The following CHN1 variants were observed in gnomAD, a reference collection of about 807,000 sequenced individuals.
The protein encoded by CHN1 is N-chimaerin.
CHN1 carries 37 observed loss-of-function variants against 59.5 expected under a neutral mutation model. That is an observed-to-expected ratio of 0.62 (90% CI 0.48 to 0.82). The LOEUF (loss-of-function observed/expected upper bound fraction) is 0.82. Ranked by LOEUF, CHN1 falls within the 40% of genes least tolerant of loss-of-function variation. CHN1 has a pLI of 0.00. For synonymous variants in CHN1, 206 were observed against 200.4 expected (o/e 1.03, Z -0.24); for missense variants, 469 against 571.0 (o/e 0.82, Z 1.82).
At chr2:174,909,148 G>T (rs1688620807) in intron 5 of CHN1, among the ~76,000 whole-genome samples, 1 of 152,162 alleles carries the variant, frequency 6.6e-6, no homozygotes, top group South Asian at 2.1e-4. Context: ...ATTGACCAGA[G>T]CTAAAATATT....
At chr2:174,920,574 C>G (rs1414992603) in intron 3 of CHN1, among the ~76,000 whole-genome samples, 1 of 152,190 alleles carries the variant, frequency 6.6e-6, no homozygotes, top group African/African-American at 2.4e-5. Flanking sequence ...TTTCAGTGAT[C>G]TTCTCCCTTA....
intron 7 of CHN1, among the ~76,000 whole-genome samples, chr2:174,829,039 A>G (rs1574063912): frequency 6.6e-6 from 1 of 152,206 alleles, no homozygotes; most frequent in South Asian, 2.1e-4. Flanking sequence ...GTCCATCTCG[A>G]CAAATGAAAG....
intron 5 of CHN1, among the ~76,000 whole-genome samples, chr2:174,899,172 T>C (rs145981502): frequency 9.4e-4 from 132 of 140,120 alleles, no homozygotes; most frequent in African/African-American, 3.6e-3. Context: ...GTAAGAAGCC[T>C]AGTCTAAGAA....
intron 1 of CHN1, among the ~76,000 whole-genome samples, chr2:174,989,661 G>A (rs1347861250): frequency 6.6e-6 from 1 of 151,730 alleles, no homozygotes; most frequent in Non-Finnish European, 1.5e-5. Flanking sequence ...ATGGTGGCTC[G>A]CACCTGTGGT....
rs13409614 is a variant in CHN1, at chr2:174,823,521, G to A, written c.712+913C>T. The stretch of plus-strand genomic sequence containing the variant: ...TACTAAAAATACAAAAAATTAGCTG[G>A]GTGTGGTGGCGGGCACCTGTAGTCC... On this transcript the variant is annotated intron_variant, in intron 8 of 12. Coordinates refer to ENST00000409900, the MANE Select transcript of CHN1 (RefSeq NM_001822.7). 2.1e-3 allele frequency among the ~76,000 whole-genome samples: 317 copies of A among 152,124 alleles called. 4 individuals are homozygous for A. The highest frequency in any genetic ancestry group is 6.7e-3 in the African/African-American group (276 of 41,498).
intron 6 of CHN1, among the ~76,000 whole-genome samples, chr2:174,855,136 T>C (rs1055900506): frequency 1.3e-5 from 2 of 152,174 alleles, no homozygotes; most frequent in African/African-American, 4.8e-5. Context: ...CTCTAACTAA[T>C]AAATGTCAGG....
intron 1 of CHN1, among the ~76,000 whole-genome samples, chr2:174,979,829 T>G (rs534964902): frequency 8.0e-4 from 122 of 151,756 alleles, no homozygotes; most frequent in Admixed American, 2.3e-3. Context: ...TGCAGTGAGG[T>G]GAGATCACAC....
chr2:174,853,982 T>C (rs1461228797), intron 6 of CHN1, among the ~76,000 whole-genome samples: 1 of 152,118 alleles, frequency 6.6e-6, no homozygotes, highest in African/African-American at 2.4e-5. Flanking sequence ...ACCTATTGGG[T>C]ACTATGTTCG....
At chr2:174,929,310 G>T (rs1253754082) in intron 3 of CHN1, among the ~76,000 whole-genome samples, 1 of 152,160 alleles carries the variant, frequency 6.6e-6, no homozygotes, top group African/African-American at 2.4e-5. Context: ...AGACATGGTG[G>T]CTGATGCCTG....
At chr2:174,953,477 G>A (rs78490704) in intron 1 of CHN1, among the ~76,000 whole-genome samples, 6,402 of 152,208 alleles carry the variant, frequency 0.042, 478 homozygotes, top group African/African-American at 0.14. Flanking sequence ...AAATTGGTAA[G>A]TCAAACTGTT....
chr2:174,958,635 G>C (rs1690295578), intron 1 of CHN1, among the ~76,000 whole-genome samples: 1 of 152,084 alleles, frequency 6.6e-6, no homozygotes, highest in African/African-American at 2.4e-5. Context: ...ACCTTTACTT[G>C]CTCTGTGACT....
rs528214646 is a variant in CHN1, at chr2:174,812,379, C to T, written c.816G>A (p.Thr272=). The T allele has an allele frequency of 2.1e-5, 34 of 1,613,960 alleles. No homozygotes were observed. Among genetic ancestry groups the T allele is most frequent in the South Asian group, 7.7e-5 (7 of 91,066 alleles). ...GCTTAGTGGTATGTGCTTTCACGAG[C>T]GTCGTAAGGTCACAGCTGTACACCT... ...VKKVYSCDLT[T]LVKAHTTKRP... The change falls in exon 9 of 13, where the codon ACG becomes ACA. Residue 272 remains threonine, a synonymous_variant. Coordinates refer to ENST00000409900, the MANE Select transcript of CHN1 (RefSeq NM_001822.7).
chr2:174,959,213 T>C (rs185877077), intron 1 of CHN1, among the ~76,000 whole-genome samples: 20 of 152,358 alleles, frequency 1.3e-4, no homozygotes, highest in Non-Finnish European at 2.4e-4. Flanking sequence ...TACCATAAGC[T>C]TAACTGTGTA....
intron 6 of CHN1, among the ~76,000 whole-genome samples, chr2:174,865,391 G>A (rs1210923504): frequency 6.6e-6 from 1 of 152,088 alleles, no homozygotes; most frequent in East Asian, 1.9e-4. Flanking sequence ...GTGTGGAAGG[G>A]TCTGGCTGTC....
chr2:174,801,926 T>C, intron 11 of CHN1, 114 bp from the exon 12 acceptor site: 1 of 820,510 alleles, frequency 1.2e-6, no homozygotes, highest in South Asian at 1.4e-5. Context: ...AAATGCTTTC[T>C]CGTAATTCCT....
intron 7 of CHN1, among the ~76,000 whole-genome samples, chr2:174,827,248 C>A (rs986833499): frequency 2.6e-5 from 4 of 152,140 alleles, no homozygotes; most frequent in Non-Finnish European, 5.9e-5. Context: ...TACTGATTTT[C>A]ATTAATTAGT....
intron 9 of CHN1, 45 bp downstream of exon 9, chr2:174,812,264 G>A (rs1685100831): frequency 1.3e-6 from 2 of 1,543,314 alleles, no homozygotes; most frequent in Non-Finnish European, 1.8e-6. Flanking sequence ...GATTGGTACT[G>A]GTAGTGAACG....
chr2:174,841,228 C>A (rs541167751), intron 7 of CHN1, among the ~76,000 whole-genome samples: 2 of 152,140 alleles, frequency 1.3e-5, no homozygotes, highest in Non-Finnish European at 2.9e-5. Flanking sequence ...GACTTGTACT[C>A]GGGGTGTCAT....
intron 1 of CHN1, among the ~76,000 whole-genome samples, chr2:174,974,790 T>C (rs1371016066): frequency 6.6e-6 from 1 of 152,108 alleles, no homozygotes; most frequent in African/African-American, 2.4e-5. Flanking sequence ...GTTTCCTTCA[T>C]GCACATATAA....
Sources: gnomAD v4.1 joint callset for allele counts (sites outside exome capture counted in the v4.1 genomes callset) on GRCh38, gnomAD v4.1.1 for gene constraint, MANE v1.5 for transcripts, NCBI Gene and HGNC (gene_info 2026-07-23, HGNC 2026-07-21) for gene names.